The following ELAPOR1 variants were observed in gnomAD, a reference collection of about 807,000 sequenced individuals.
ELAPOR1 encodes the protein endosome-lysosome associated apoptosis and autophagy regulator 1, also known as endosome/lysosome-associated apoptosis and autophagy regulator 1.
Under a neutral mutation model 119.7 loss-of-function variants are expected in ELAPOR1, and 77 were observed. That is an observed-to-expected ratio of 0.64 (90% CI 0.54 to 0.78). The LOEUF is 0.78. ELAPOR1 is among the 30% of genes least tolerant of loss of function. ELAPOR1 has a pLI of 0.00. For missense variants in ELAPOR1, 1,115 were observed against 1,270.4 expected (o/e 0.88, Z 1.86); for synonymous variants, 481 against 487.2 (o/e 0.99, Z 0.17).
chr1:109,197,427 G>A, intron 15 of ELAPOR1, 47 bp from the exon 16 acceptor site: 1 of 1,562,720 alleles, frequency 6.4e-7, no homozygotes, highest in South Asian at 1.1e-5. Flanking sequence ...GAATTCCTCT[G>A]TGACCACTCA....
At chr1:109,149,693 T>G (rs939726180) in intron 1 of ELAPOR1, among the ~76,000 whole-genome samples, 11 of 152,272 alleles carry the variant, frequency 7.2e-5, no homozygotes, top group African/African-American at 2.6e-4. Context: ...CTGAAGACAC[T>G]TACATTTGAT....
chr1:109,131,976 A>C (rs1257004660), intron 1 of ELAPOR1, among the ~76,000 whole-genome samples: 1 of 152,220 alleles, frequency 6.6e-6, no homozygotes, highest in Non-Finnish European at 1.5e-5. Context: ...GAATGTGGTA[A>C]GGAGAAAGAT....
intron 3 of ELAPOR1, among the ~76,000 whole-genome samples, chr1:109,169,965 A>T (rs1570677042): frequency 6.6e-6 from 1 of 152,366 alleles, no homozygotes; most frequent in East Asian, 1.9e-4. Context: ...TATATATGGC[A>T]GAGCCGTACA....
chr1:109,119,292 G>A (rs1204755914), intron 1 of ELAPOR1, among the ~76,000 whole-genome samples: 1 of 151,130 alleles, frequency 6.6e-6, no homozygotes, highest in African/African-American at 2.4e-5. Context: ...CCCCTCCCAG[G>A]CTCAAGCCAT....
intron 1 of ELAPOR1, among the ~76,000 whole-genome samples, chr1:109,146,255 GGCTGCAGTGAGCCGAAATTGAGTCGCT>G (rs1345014166): frequency 6.6e-6 from 1 of 152,086 alleles, no homozygotes; most frequent in Non-Finnish European, 1.5e-5. Flanking sequence ...GGGAAGTCGA[GGCTGCAGTGAGCCGAAATTGAGTCGCT>G]GCACTCCAGA....
chr1:109,147,810 T>TTTATTA (rs559089756), intron 1 of ELAPOR1, among the ~76,000 whole-genome samples: 3 of 150,938 alleles, frequency 2.0e-5, no homozygotes, highest in Admixed American at 6.6e-5. Context: ...TTTACTTTAT[T>TTTATTA]TTATTATTAT....
chr1:109,171,445 G>A (rs1016352736), intron 3 of ELAPOR1, among the ~76,000 whole-genome samples: 6 of 151,954 alleles, frequency 3.9e-5, no homozygotes, highest in South Asian at 2.1e-4. Flanking sequence ...CTAGCTACTC[G>A]GGAGGCTGAG....
chr1:109,162,281 G>A (rs1651313485), intron 2 of ELAPOR1, among the ~76,000 whole-genome samples: 1 of 152,200 alleles, frequency 6.6e-6, no homozygotes, highest in Admixed American at 6.5e-5. Flanking sequence ...TGCCAGCTGT[G>A]TGCACTCAGA....
intron 1 of ELAPOR1, among the ~76,000 whole-genome samples, chr1:109,149,436 C>T (rs34390100): frequency 6.6e-6 from 1 of 151,928 alleles, no homozygotes; most frequent in Non-Finnish European, 1.5e-5. Flanking sequence ...AGGGTGTTAC[C>T]CTCCCTGTTT....
rs1654290464 is a variant in ELAPOR1 at position 109,203,266 on chromosome 1, C to T, written c.*254C>T. 1 of 479,922 alleles carries T rather than the reference C, an allele frequency of 2.1e-6. No homozygotes were observed. The highest frequency in any genetic ancestry group is 3.3e-5 in the South Asian group (1 of 30,746). 29.7% of individuals were successfully genotyped at this position (479,922 alleles called of 1,614,324 possible). ...CTTGTATCTTGTTTCCCAAAATGGC[C>T]CATCCGCCAGAGCCATAGCTTCGTC... On this transcript the variant is annotated 3_prime_UTR_variant, in exon 22 of 22. Transcript: ENST00000369939.
intron 7 of ELAPOR1, among the ~76,000 whole-genome samples, chr1:109,176,187 T>A (rs1558052094): frequency 6.6e-6 from 1 of 152,150 alleles, no homozygotes; most frequent in Non-Finnish European, 1.5e-5. Flanking sequence ...AGGACGTGGT[T>A]ATTTGAGGGA....
intron 7 of ELAPOR1, among the ~76,000 whole-genome samples, chr1:109,175,739 A>C (rs1173434343): frequency 1.3e-5 from 2 of 150,066 alleles, no homozygotes; most frequent in Non-Finnish European, 3.0e-5. Context: ...AGGCTGGAGA[A>C]TCACTTGAAC....
At chr1:109,162,092 G>A in intron 2 of ELAPOR1, 78 bp downstream of exon 2, 1 of 1,491,242 alleles carries the variant, frequency 6.7e-7, no homozygotes. Context: ...ATCCAATCTG[G>A]GCCCTTCCTG....
At chr1:109,179,811 C>A (rs1652586674) in intron 7 of ELAPOR1, among the ~76,000 whole-genome samples, 1 of 151,954 alleles carries the variant, frequency 6.6e-6, no homozygotes, top group African/African-American at 2.4e-5. Flanking sequence ...GAGGCTGAGG[C>A]AAGAGAATTG....
intron 3 of ELAPOR1, among the ~76,000 whole-genome samples, chr1:109,167,051 G>A (rs988849421): frequency 3.3e-5 from 5 of 152,198 alleles, no homozygotes; most frequent in Non-Finnish European, 5.9e-5. Context: ...TGACAATACT[G>A]GAGGCAGAGA....
intron 1 of ELAPOR1, among the ~76,000 whole-genome samples, chr1:109,151,090 A>G (rs1650506202): frequency 6.6e-6 from 1 of 152,128 alleles, no homozygotes; most frequent in South Asian, 2.1e-4. Context: ...ATATTTGTTT[A>G]TGTGATTTAC....
At chr1:109,160,819 C>G (rs1651200663) in intron 1 of ELAPOR1, among the ~76,000 whole-genome samples, 1 of 152,080 alleles carries the variant, frequency 6.6e-6, no homozygotes, top group African/African-American at 2.4e-5. Context: ...TGTTTATTAC[C>G]AGATTTAAAG....
intron 15 of ELAPOR1, among the ~76,000 whole-genome samples, chr1:109,194,907 A>C (rs924558297): frequency 4.7e-4 from 71 of 151,988 alleles, no homozygotes; most frequent in Admixed American, 4.5e-3. Context: ...GGGGAGTTCG[A>C]GACCAGCCTG....
In ELAPOR1 at chr1:109,173,684, C is replaced by T. The variant is rs1024101882; in HGVS notation, c.803-4C>T. On this transcript the variant is annotated splice_polypyrimidine_tract_variant and splice_region_variant and intron_variant, in intron 6 of 21. Coordinates refer to ENST00000369939, the MANE Select transcript of ELAPOR1 (RefSeq NM_020775.5). ...TGCTTTTCTGTGCTCTTCCTCCTCC[C>T]TAGGGGTGGCCTACACTTCAGAATG... The T allele has an allele frequency of 2.5e-6, 4 of 1,613,814 alleles. No homozygotes were observed. Among genetic ancestry groups the T allele is most frequent in the Non-Finnish European group, 3.4e-6 (4 of 1,179,908 alleles).
Sources: allele counts gnomAD v4.1 joint callset (sites outside exome capture counted in the v4.1 genomes callset), GRCh38; gene constraint gnomAD v4.1.1; transcripts MANE v1.5; gene names NCBI Gene and HGNC (gene_info 2026-07-23, HGNC 2026-07-21).